The following CD209 variants were observed in gnomAD, a reference collection of about 807,000 sequenced individuals.
CD209 encodes CD209 antigen.
A neutral mutation model predicts 44.7 loss-of-function variants in CD209; 31 were observed. That is an observed-to-expected ratio of 0.69 (90% CI 0.52 to 0.94). The LOEUF is 0.94. Among genes scored for constraint, CD209 ranks in the 40% least tolerant of loss-of-function variants. The pLI is 0.00. For synonymous variants in CD209, 173 were observed against 181.3 expected (o/e 0.95, Z 0.37); for missense variants, 407 against 452.4 (o/e 0.90, Z 0.91).
In CD209 at chr19:7,742,891, C is replaced by G; in HGVS notation, c.*148G>C. The G allele has an allele frequency of 1.5e-6, 1 of 687,346 alleles. No homozygotes were observed. The highest frequency in any genetic ancestry group is 1.8e-5 in the South Asian group (1 of 54,762). The allele number at this position is 687,346 out of a possible 1,614,324, so 42.6% of individuals were successfully genotyped here. A position where few individuals can be genotyped will look rare whatever the true frequency, so the allele number is the denominator to read the frequency against. ...TGGGCCAGAAAAACAAGCTCTACACCAGGGGAAATTGGAGGCATGACAAGA... is the reference window on the plus strand; with the variant it reads ...TGGGCCAGAAAAACAAGCTCTACACGAGGGGAAATTGGAGGCATGACAAGA... On this transcript the variant is annotated 3_prime_UTR_variant, in exon 7 of 7. Coordinates refer to ENST00000315599, the MANE Select transcript of CD209 (RefSeq NM_021155.4).
At chr19:7,746,602 A>G (rs2146326180) in intron 2 of CD209, 71 bp from the exon 3 acceptor site, 1 of 1,501,498 alleles carries the variant, frequency 6.7e-7, no homozygotes, top group East Asian at 2.3e-5. Context: ...GCCTGGTCTA[A>G]ATCCCTCAGC....
rs2033584933 is a variant in CD209 at position 7,740,788 on chromosome 19, G to A, written c.*2251C>T. 1.3e-6 allele frequency: 1 copy of A among 762,494 alleles called. No individual in the cohort carries two copies. The highest frequency in any genetic ancestry group is 2.5e-6 in the Non-Finnish European group (1 of 407,804). The allele number at this position is 762,494 out of a possible 1,614,324, so 47.2% of individuals were successfully genotyped here. ...AAGGAACAATGGGAAGAACAGCAGA[G>A]GAAAGAGAGAGAGGAGGAGGAACAG... On this transcript the variant is annotated 3_prime_UTR_variant, in exon 7 of 7. Transcript: ENST00000315599.
chr19:7,747,326 C>A lies in CD209; in HGVS notation c.86G>T (p.Arg29Leu). The change falls in exon 2 of 7, where the codon CGA (arginine) becomes CTA (leucine). Residue 29 changes from arginine to leucine, a missense_variant. Physicochemically the swap from Arg to Leu is moderately radical, Grantham distance 102 (BLOSUM62 -2). Around this residue, in one of 3 missense-constraint regions of CD209, gnomAD observed 122 missense variants for 110.3 expected, o/e 1.11. Transcript: ENST00000315599. ...QLRGLGFRQT[R>L]GYKSLAGCLG... ...TCTACCTGCTAAGCTCTTGTATCCT[C>A]GAGTCTGTCGGAATCCAAGGCCTCT... is the stretch of plus-strand genomic sequence containing the variant. 1.9e-6 allele frequency: 3 copies of A among 1,614,248 alleles called. No homozygotes were observed. The African/African-American group carries it at 4.0e-5, about 22-fold the overall frequency.
At chr19:7,745,194 T>C (rs2033764677) in intron 4 of CD209, 102 bp from the exon 5 acceptor site, 5 of 1,472,142 alleles carry the variant, frequency 3.4e-6, no homozygotes, top group Non-Finnish European at 4.7e-6. Flanking sequence ...CTTCCTTGAC[T>C]GTCCACGCCG....
chr19:7,745,507 C>T lies in CD209; in HGVS notation c.748+11G>A, dbSNP rs202136182. ...TCTCAGGCCCAAGAAGCCCTGGTTCCAGATACTCACCCACTGCAGCCTTCA... is the reference window on the plus strand; with the variant it reads ...TCTCAGGCCCAAGAAGCCCTGGTTCTAGATACTCACCCACTGCAGCCTTCA... On this transcript the variant is annotated intron_variant, in intron 4 of 6. Transcript: ENST00000315599. The T allele has an allele frequency of 9.4e-5, 152 of 1,612,348 alleles. 1 individual carries two copies. The South Asian group carries it at 1.6e-3, about 17-fold the overall frequency.
In CD209 at chr19:7,741,870, G is replaced by A; in HGVS notation, c.*1169C>T. The A allele has an allele frequency of 6.4e-6, 3 of 469,066 alleles. No individual in the cohort carries two copies. Among genetic ancestry groups the A allele is most frequent in the African/African-American group, 2.0e-5 (1 of 49,430 alleles). The allele number at this position is 469,066 out of a possible 1,614,324, so 29.1% of individuals were successfully genotyped here. A position where few individuals can be genotyped will look rare whatever the true frequency, so the allele number is the denominator to read the frequency against. Reference sequence around the variant, plus strand: ...CCACGATGAATACTACAGGCTGCGGGGAAGGAGAACCCTAGTCCAGACCAT... The same window carrying A: ...CCACGATGAATACTACAGGCTGCGGAGAAGGAGAACCCTAGTCCAGACCAT... On this transcript the variant is annotated 3_prime_UTR_variant, in exon 7 of 7. Transcript: ENST00000315599.
intron 6 of CD209, 81 bp from the exon 7 acceptor site, chr19:7,743,321 C>T: frequency 1.7e-6 from 2 of 1,205,964 alleles, no homozygotes; most frequent in Non-Finnish European, 2.5e-6. Flanking sequence ...ATCTTGATGC[C>T]TTAACATCTG....
In CD209 at chr19:7,740,203, C is replaced by A; in HGVS notation, c.*2836G>T. ...CAATCTGATTGGATCAAGGATCATG[C>A]CACGTGGTGTCCACTTCTTAACTCA... is the stretch of plus-strand genomic sequence containing the variant. On this transcript the variant is annotated 3_prime_UTR_variant, in exon 7 of 7. Transcript: ENST00000315599. 1 of 326,982 alleles carries A rather than the reference C, an allele frequency of 3.1e-6. No individual in the cohort carries two copies. Among genetic ancestry groups the A allele is most frequent in the Non-Finnish European group, 5.7e-6 (1 of 175,118 alleles). 20.3% of individuals were successfully genotyped at this position (326,982 alleles called of 1,614,324 possible).
In CD209 at chr19:7,741,272, C is replaced by T. The variant is rs2033603297; in HGVS notation, c.*1767G>A. ...GAATCACGAGGTCAAGAGATCGAGA[C>T]CATCCTGGTCAACATGTTGAAACCC... On this transcript the variant is annotated 3_prime_UTR_variant, in exon 7 of 7. Transcript: ENST00000315599. 2.3e-6 allele frequency: 1 copy of T among 440,462 alleles called. No individual in the cohort carries two copies. The highest frequency in any genetic ancestry group is 4.6e-5 in the East Asian group (1 of 21,582). The allele number at this position is 440,462 out of a possible 1,614,324, so 27.3% of individuals were successfully genotyped here. A position where few individuals can be genotyped will look rare whatever the true frequency, so the allele number is the denominator to read the frequency against.
rs763608847 is a variant in CD209, at chr19:7,746,514, G to C, written c.124C>G (p.Pro42Ala). The change falls in exon 3 of 7, where the codon CCC becomes GCC. Residue 42 changes from proline (P) to alanine (A), a missense_variant. Pro to Ala is a conservative substitution (Grantham distance 27). Around this residue, in one of 3 missense-constraint regions of CD209, gnomAD observed 122 missense variants for 110.3 expected, o/e 1.11. Coordinates refer to ENST00000315599, the MANE Select transcript of CD209 (RefSeq NM_021155.4). ...KSLAGCLGHG[P>A]LVLQLLSFTL... is the part of the protein sequence containing the mutation. ...AAGGAGAGGAGTTGCAGCACCAGGGGACCATGGCCAAGACACCCTGAGAGA... is the reference window on the plus strand; with the variant it reads ...AAGGAGAGGAGTTGCAGCACCAGGGCACCATGGCCAAGACACCCTGAGAGA... The C allele has an allele frequency of 1.1e-5, 17 of 1,613,666 alleles. No individual in the cohort carries two copies. The highest frequency in any genetic ancestry group is 1.2e-5 in the Non-Finnish European group (14 of 1,179,808).
In CD209 at chr19:7,741,772, G is replaced by A. The variant is rs1370663766; in HGVS notation, c.*1267C>T. The A allele has an allele frequency of 1.8e-6, 1 of 543,908 alleles. No homozygotes were observed. Among genetic ancestry groups the A allele is most frequent in the East Asian group, 4.6e-5 (1 of 21,560 alleles). 33.7% of individuals were successfully genotyped at this position (543,908 alleles called of 1,614,324 possible). A position where few individuals can be genotyped will look rare whatever the true frequency, so the allele number is the denominator to read the frequency against. On this transcript the variant is annotated 3_prime_UTR_variant, in exon 7 of 7. Coordinates refer to ENST00000315599, the MANE Select transcript of CD209 (RefSeq NM_021155.4). ...AACACTGCAACTTTCTTCAGGTGTTGAGAAATCCAATAGAGACCTCTGCTT... is the reference window on the plus strand; with the variant it reads ...AACACTGCAACTTTCTTCAGGTGTTAAGAAATCCAATAGAGACCTCTGCTT...
chr19:7,744,347 C>A (rs2146319444), intron 5 of CD209, 128 bp from the exon 6 acceptor site: 2 of 680,434 alleles, frequency 2.9e-6, no homozygotes, highest in South Asian at 1.8e-5. Context: ...AGGTCCTGAG[C>A]CCCCTCGTGT....
chr19:7,743,620 C>T (rs73493965), intron 6 of CD209, among the ~76,000 whole-genome samples: 5,565 of 152,246 alleles, frequency 0.037, 268 homozygotes, highest in African/African-American at 0.12. Context: ...AAATGCTTCA[C>T]ACTTCCCAAT....
In CD209 at chr19:7,745,111, C is replaced by G; in HGVS notation, c.749-19G>C. On this transcript the variant is annotated intron_variant, in intron 4 of 6. Coordinates refer to ENST00000315599, the MANE Select transcript of CD209 (RefSeq NM_021155.4). Reference sequence around the variant, plus strand: ...AGGCGTTCTGTTGGGGGAGGCTGGTCAGGGCTGGGCTTAGATTAGGTTGTC... The same window carrying G: ...AGGCGTTCTGTTGGGGGAGGCTGGTGAGGGCTGGGCTTAGATTAGGTTGTC... The G allele has an allele frequency of 2.5e-6, 4 of 1,613,896 alleles. No homozygotes were observed. The highest frequency in any genetic ancestry group is 2.2e-5 in the East Asian group (1 of 44,878).
chr19:7,743,379 A>G, intron 6 of CD209, 139 bp from the exon 7 acceptor site: 2 of 762,974 alleles, frequency 2.6e-6, no homozygotes, highest in Non-Finnish European at 4.5e-6. Context: ...ACCTGATAAT[A>G]TGCCTGACTC....
Position 7,742,871 on chromosome 19 carries a change from C to T in CD209, c.*168G>A. 1.6e-6 allele frequency: 1 copy of T among 627,504 alleles called. No individual in the cohort carries two copies. The highest frequency in any genetic ancestry group is 2.8e-6 in the Non-Finnish European group (1 of 360,176). 38.9% of individuals were successfully genotyped at this position (627,504 alleles called of 1,614,324 possible). On this transcript the variant is annotated 3_prime_UTR_variant, in exon 7 of 7. Transcript: ENST00000315599. The stretch of plus-strand genomic sequence containing the variant: ...CACTCATAAAGCTCCAAGGATGGGC[C>T]AGAAAAACAAGCTCTACACCAGGGG...
chr19:7,747,012 C>A (rs1327853317), intron 2 of CD209, among the ~76,000 whole-genome samples: 7 of 150,508 alleles, frequency 4.7e-5, no homozygotes, highest in Non-Finnish European at 1.0e-4. Context: ...CAGGCCCAGG[C>A]CCCCACCTCT....
In CD209 at chr19:7,741,449, G is replaced by T. The variant is rs1210859181; in HGVS notation, c.*1590C>A. The T allele has an allele frequency of 2.3e-6, 1 of 432,054 alleles. No homozygotes were observed. The highest frequency in any genetic ancestry group is 4.4e-6 in the Non-Finnish European group (1 of 225,778). 26.8% of individuals were successfully genotyped at this position (432,054 alleles called of 1,614,324 possible). On this transcript the variant is annotated 3_prime_UTR_variant, in exon 7 of 7. Transcript: ENST00000315599. ...GGAAGTTGCAGTGAGCCTAGATCGC[G>T]CCACTGCACTCCAGCCTGGCGACAG... is the stretch of plus-strand genomic sequence containing the variant.
rs750528962 is a variant in CD209 at position 7,743,376 on chromosome 19, A to G, written c.1014-136T>C. 1.2e-4 allele frequency: 95 copies of G among 772,550 alleles called. 1 individual carries two copies. Among genetic ancestry groups the G allele is most frequent in the Admixed American group, 1.1e-3 (55 of 48,530 alleles). The allele number at this position is 772,550 out of a possible 1,614,324, so 47.9% of individuals were successfully genotyped here. On this transcript the variant is annotated intron_variant, in intron 6 of 6. Transcript: ENST00000315599. ...ACTTGAATCCCTCTGCATACCTGAT[A>G]ATATGCCTGACTCACGATGCCTTGA...
Sources: allele counts gnomAD v4.1 joint callset (sites outside exome capture counted in the v4.1 genomes callset), GRCh38; gene constraint gnomAD v4.1.1; regional missense constraint gnomAD v4.1.1; transcripts MANE v1.5; gene names NCBI Gene and HGNC (gene_info 2026-07-23, HGNC 2026-07-21).